The following ARK2C variants were observed in gnomAD, a reference collection of about 807,000 sequenced individuals.
ARK2C encodes arkadia (RNF111) C-terminal like ring finger ubiquitin ligase 2C, also known as E3 ubiquitin-protein ligase ARK2C.
At chr18:46,411,842 A>G in the ARK2C span, among the ~76,000 whole-genome samples, 1 of 152,214 alleles carries the variant, frequency 6.6e-6, no homozygotes, top group African/African-American at 2.4e-5. Context: ...TGAGCCGTGT[A>G]TGTGTGATCT....
the ARK2C span, among the ~76,000 whole-genome samples, chr18:46,381,886 C>T: frequency 2.0e-5 from 3 of 152,210 alleles, no homozygotes; most frequent in African/African-American, 4.8e-5. Flanking sequence ...CAGGCACCAC[C>T]GGCGAGCAGG....
chr18:46,418,180 T>C, the ARK2C span, among the ~76,000 whole-genome samples: 2 of 151,896 alleles, frequency 1.3e-5, no homozygotes, highest in Non-Finnish European at 2.9e-5. Flanking sequence ...GAGACCCCTA[T>C]CTCTACAAAA....
At chr18:46,346,796 C>G in the ARK2C span, among the ~76,000 whole-genome samples, 1 of 152,202 alleles carries the variant, frequency 6.6e-6, no homozygotes, top group Non-Finnish European at 1.5e-5. Flanking sequence ...TCTGCTTGTT[C>G]AGGCCTGGGA....
the ARK2C span, among the ~76,000 whole-genome samples, chr18:46,409,101 C>A: frequency 6.6e-6 from 1 of 152,330 alleles, no homozygotes; most frequent in South Asian, 2.1e-4. Flanking sequence ...GAGCACCTAA[C>A]AGTGCCTGGC....
chr18:46,413,051 G>A, the ARK2C span, among the ~76,000 whole-genome samples: 3 of 152,074 alleles, frequency 2.0e-5, no homozygotes, highest in South Asian at 2.1e-4. Flanking sequence ...CGCCTTAGCC[G>A]GGGGATGGGG....
chr18:46,361,279 G>A, the ARK2C span, among the ~76,000 whole-genome samples: 2 of 152,168 alleles, frequency 1.3e-5, no homozygotes, highest in Non-Finnish European at 2.9e-5. Context: ...GCTCTCCAAA[G>A]TGAAATTTCA....
At chr18:46,354,733 C>A in the ARK2C span, among the ~76,000 whole-genome samples, 1 of 152,166 alleles carries the variant, frequency 6.6e-6, no homozygotes, top group Non-Finnish European at 1.5e-5. Context: ...TCTTAAAAAT[C>A]TTTTAGTGGT....
chr18:46,428,592 T>A, the ARK2C span, among the ~76,000 whole-genome samples: 21 of 152,244 alleles, frequency 1.4e-4, 1 homozygote, highest in African/African-American at 4.3e-4. Context: ...TGGAAGTCAC[T>A]CACCTCCAGT....
the ARK2C span, among the ~76,000 whole-genome samples, chr18:46,338,659 A>AT: frequency 3.3e-5 from 5 of 151,764 alleles, no homozygotes; most frequent in South Asian, 2.1e-4. Context: ...GTGGAGAGGT[A>AT]TTTTTTTTCC....
the ARK2C span, among the ~76,000 whole-genome samples, chr18:46,422,885 C>T: frequency 6.6e-6 from 1 of 152,186 alleles, no homozygotes; most frequent in African/African-American, 2.4e-5. Flanking sequence ...CTTATGTTGA[C>T]TCAAATCCGC....
At chr18:46,350,330 C>T in the ARK2C span, among the ~76,000 whole-genome samples, 4 of 152,226 alleles carry the variant, frequency 2.6e-5, no homozygotes, top group African/African-American at 9.6e-5. Context: ...ATTTGGTGTG[C>T]TCCCCACTAT....
chr18:46,404,941 T>C, the ARK2C span, among the ~76,000 whole-genome samples: 2 of 152,124 alleles, frequency 1.3e-5, no homozygotes, highest in Non-Finnish European at 2.9e-5. Context: ...CTGGTATGTA[T>C]GATACATGCA....
the ARK2C span, among the ~76,000 whole-genome samples, chr18:46,395,483 G>A: frequency 1.3e-5 from 2 of 152,290 alleles, no homozygotes; most frequent in East Asian, 1.9e-4. Flanking sequence ...ATCATCACAC[G>A]TAATCCTCAT....
chr18:46,347,821 C>T, the ARK2C span, among the ~76,000 whole-genome samples: 1 of 152,136 alleles, frequency 6.6e-6, no homozygotes, highest in Admixed American at 6.5e-5. Flanking sequence ...GGAATAATTA[C>T]AGCAAGTCCC....
the ARK2C span, among the ~76,000 whole-genome samples, chr18:46,377,886 G>A: frequency 1.2e-4 from 18 of 152,276 alleles, 1 homozygote; most frequent in Middle Eastern, 0.014. Context: ...AAGGGTACAG[G>A]AGGGTAGGAC....
chr18:46,456,179 G>A, the ARK2C span: 5 of 750,474 alleles, frequency 6.7e-6, no homozygotes, highest in East Asian at 5.4e-5. Context: ...TTGTTTGCTT[G>A]TGCACGTATG....
the ARK2C span, among the ~76,000 whole-genome samples, chr18:46,404,334 G>A: frequency 1.3e-5 from 2 of 152,162 alleles, no homozygotes; most frequent in African/African-American, 4.8e-5. Flanking sequence ...AAGTAATTTT[G>A]ATGGATGTGG....
the ARK2C span, among the ~76,000 whole-genome samples, chr18:46,395,854 C>T: frequency 6.6e-6 from 1 of 152,198 alleles, no homozygotes; most frequent in South Asian, 2.1e-4. Flanking sequence ...GAGTAGAGAA[C>T]CACAATCACT....
At chr18:46,396,863 C>T in the ARK2C span, among the ~76,000 whole-genome samples, 12 of 152,312 alleles carry the variant, frequency 7.9e-5, no homozygotes, top group East Asian at 3.9e-4. Context: ...CTTGGCATGA[C>T]GTGGGTTGGG....
Sources: gnomAD v4.1 joint callset for allele counts (sites outside exome capture counted in the v4.1 genomes callset) on GRCh38, gnomAD v4.1.1 for gene constraint, MANE v1.5 for transcripts, NCBI Gene and HGNC (gene_info 2026-07-23, HGNC 2026-07-21) for gene names.